PIKFYVE: variants seen among roughly 807,000 people sequenced by gnomAD.
The protein encoded by PIKFYVE is 1-phosphatidylinositol 3-phosphate 5-kinase.
A neutral mutation model predicts 257.9 loss-of-function variants in PIKFYVE; 122 were observed. The ratio of observed to expected loss-of-function variants is 0.47; its 90% CI spans 0.41 to 0.55. PIKFYVE has a LOEUF of 0.55. Among genes scored for constraint, PIKFYVE ranks in the 20% least tolerant of loss-of-function variants. PIKFYVE has a pLI of 0.00. For missense variants in PIKFYVE, 2,160 were observed against 2,536.6 expected (o/e 0.85, Z 3.19); for synonymous variants, 892 against 868.9 (o/e 1.03, Z -0.47).
Position 208,355,465 on chromosome 2 carries a change from A to G in PIKFYVE, c.*160A>G, listed in dbSNP as rs1700111086. On this transcript the variant is annotated 3_prime_UTR_variant, in exon 42 of 42. Transcript: ENST00000264380. ...AGACTGTCCGTAATGGAATGGTAAA[A>G]CTCCATGAATTTGCACTTTGGTTTT... 1.6e-6 allele frequency: 1 copy of G among 620,828 alleles called. No homozygotes were observed. Among genetic ancestry groups the G allele is most frequent in the South Asian group, 2.0e-5 (1 of 50,558 alleles). 38.5% of individuals were successfully genotyped at this position (620,828 alleles called of 1,614,324 possible). A position where few individuals can be genotyped will look rare whatever the true frequency, so the allele number is the denominator to read the frequency against.
At chr2:208,275,715 A>G (rs1375341585) in intron 3 of PIKFYVE, among the ~76,000 whole-genome samples, 1 of 152,174 alleles carries the variant, frequency 6.6e-6, no homozygotes, top group Admixed American at 6.5e-5. Flanking sequence ...CCCAGCCAAA[A>G]CAGCACCTAT....
At chr2:208,337,831 C>T (rs1698310002) in intron 28 of PIKFYVE, among the ~76,000 whole-genome samples, 1 of 152,146 alleles carries the variant, frequency 6.6e-6, no homozygotes, top group South Asian at 2.1e-4. Flanking sequence ...AAGCAATTCT[C>T]CTTCCTCAGC....
At position 208,277,726 on chromosome 2, in the gene PIKFYVE, C is replaced by T. The variant is rs1334820404; in HGVS notation, c.613+18C>T. ...CTATACAGGTAAATGCATTTTATTG[C>T]CAGTTTACAATTTTTAAAGGTCATA... On this transcript the variant is annotated intron_variant, in intron 5 of 41. Transcript: ENST00000264380. The T allele has an allele frequency of 1.2e-6, 2 of 1,611,004 alleles. No individual in the cohort carries two copies. The highest frequency in any genetic ancestry group is 2.2e-5 in the East Asian group (1 of 44,852).
intron 38 of PIKFYVE, among the ~76,000 whole-genome samples, chr2:208,352,152 G>T (rs1699830595): frequency 6.6e-6 from 1 of 152,124 alleles, no homozygotes; most frequent in Non-Finnish European, 1.5e-5. Flanking sequence ...ATGAAATTAG[G>T]TGCACATTCA....
At chr2:208,337,423 T>A (rs1038384230) in intron 28 of PIKFYVE, among the ~76,000 whole-genome samples, 4 of 152,038 alleles carry the variant, frequency 2.6e-5, no homozygotes, top group African/African-American at 9.7e-5. Flanking sequence ...TATAGATAGA[T>A]ATATCTATAT....
Position 208,304,269 on chromosome 2 carries a change from T to C in PIKFYVE, c.1419T>C (p.Asp473=). Residue 473 remains aspartate (D), a synonymous_variant, in exon 11 of 42, where the codon GAT becomes GAC. Transcript: ENST00000264380. ...CCTGGTTTAAAGACATAAAGTTTGA[T>C]GACAGTGACACAGAACAGATAGCTG... ...EPSWFKDIKF[D]DSDTEQIAEE... 3.1e-6 allele frequency: 5 copies of C among 1,614,196 alleles called. No individual in the cohort carries two copies. The highest frequency in any genetic ancestry group is 4.2e-6 in the Non-Finnish European group (5 of 1,180,012).
chr2:208,282,061 C>T (rs1178997596), intron 5 of PIKFYVE, among the ~76,000 whole-genome samples: 2 of 152,164 alleles, frequency 1.3e-5, no homozygotes, highest in South Asian at 2.1e-4. Context: ...GGAACCAGCC[C>T]ATGTCATTAT....
At position 208,357,272 on chromosome 2, in the gene PIKFYVE, T is replaced by C. The variant is rs1559190205; in HGVS notation, c.*1967T>C. ...TAAAATGCCAACACTGTTTTGTCTC[T>C]GTTCATTTTTTCTGTGAGGATACTT... On this transcript the variant is annotated 3_prime_UTR_variant, in exon 42 of 42. Coordinates refer to ENST00000264380, the MANE Select transcript of PIKFYVE (RefSeq NM_015040.4). The C allele has an allele frequency of 1.3e-5, 2 of 152,320 alleles. No individual in the cohort carries two copies. Among genetic ancestry groups the C allele is most frequent in the South Asian group, 4.1e-4 (2 of 4,830 alleles). 9.4% of individuals were successfully genotyped at this position (152,320 alleles called of 1,614,324 possible). A position where few individuals can be genotyped will look rare whatever the true frequency, so the allele number is the denominator to read the frequency against.
At chr2:208,311,055 A>G (rs369556034) in intron 12 of PIKFYVE, among the ~76,000 whole-genome samples, 1 of 152,186 alleles carries the variant, frequency 6.6e-6, no homozygotes, top group Non-Finnish European at 1.5e-5. Flanking sequence ...ATACACATAT[A>G]TGGCAAATCC....
At position 208,355,814 on chromosome 2, in the gene PIKFYVE, G is replaced by A. The variant is rs6728314; in HGVS notation, c.*509G>A. On this transcript the variant is annotated 3_prime_UTR_variant, in exon 42 of 42. Coordinates refer to ENST00000264380, the MANE Select transcript of PIKFYVE (RefSeq NM_015040.4). Reference sequence around the variant, plus strand: ...ATTCTGATTTATTCCATTAATGGCCGGTTAAACACGTGGGCATTTATTGTT... The same window carrying A: ...ATTCTGATTTATTCCATTAATGGCCAGTTAAACACGTGGGCATTTATTGTT... 150,642 of 153,004 alleles carry A rather than the reference G, an allele frequency of 0.98. 74,194 individuals carry two copies. Among genetic ancestry groups the A allele is most frequent in the East Asian group, 1 (5,194 of 5,194 alleles). The allele number at this position is 153,004 out of a possible 1,614,324, so 9.5% of individuals were successfully genotyped here.
In PIKFYVE at chr2:208,355,605, G is replaced by T. The variant is rs144306825; in HGVS notation, c.*300G>T. ...GAGATGAGTAGATAGGGTGAAAAAT[G>T]GGTTAAATTTGCTAGCTTAATTGTT... On this transcript the variant is annotated 3_prime_UTR_variant, in exon 42 of 42. Transcript: ENST00000264380. The T allele has an allele frequency of 1.0e-4, 28 of 271,042 alleles. No individual in the cohort carries two copies. The highest frequency in any genetic ancestry group is 6.0e-4 in the African/African-American group (27 of 44,960). 16.8% of individuals were successfully genotyped at this position (271,042 alleles called of 1,614,324 possible).
chr2:208,353,990 C>T lies in PIKFYVE; in HGVS notation c.5937C>T (p.Leu1979=), dbSNP rs776013691. ...ATGTGGTCCTGCTAGATGAAAATCT[C>T]CTAAAGATGGTTCGAGACAACCCTC... is the stretch of plus-strand genomic sequence containing the variant. The part of the protein sequence containing the change: ...SCDVVLLDEN[L]LKMVRDNPLY... Residue 1979 remains leucine (L), a synonymous_variant, in exon 40 of 42, where the codon CTC becomes CTT. Coordinates refer to ENST00000264380, the MANE Select transcript of PIKFYVE (RefSeq NM_015040.4). The T allele has an allele frequency of 7.4e-6, 12 of 1,613,910 alleles. No individual in the cohort carries two copies. Among genetic ancestry groups the T allele is most frequent in the Admixed American group, 1.7e-5 (1 of 59,984 alleles).
At position 208,339,540 on chromosome 2, in the gene PIKFYVE, G is replaced by A. The variant is rs1281333010; in HGVS notation, c.4795G>A (p.Ala1599Thr). 2 of 1,614,024 alleles carry A rather than the reference G, an allele frequency of 1.2e-6. No individual in the cohort carries two copies. The highest frequency in any genetic ancestry group is 2.7e-5 in the African/African-American group (2 of 74,908). ...SVGGPPELDT[A>T]SSSEDVFDGH... ...GGGAGGGCCCCCTGAGCTAGATACA[G>A]CCAGCAGTTCCGAAGGTAGAGGTTA... Residue 1599 changes from alanine (A) to threonine (T), a missense_variant, in exon 30 of 42, where the codon GCC becomes ACC. Physicochemically the swap from Ala to Thr is moderately conservative, Grantham distance 58 (BLOSUM62 0). Coordinates refer to ENST00000264380, the MANE Select transcript of PIKFYVE (RefSeq NM_015040.4).
intron 6 of PIKFYVE, among the ~76,000 whole-genome samples, chr2:208,287,737 A>T (rs937917540): frequency 6.6e-6 from 1 of 151,268 alleles, no homozygotes; most frequent in Non-Finnish European, 1.5e-5. Flanking sequence ...ATTAGCTGGG[A>T]TTACAGGTGT....
chr2:208,268,910 G>A (rs552828601), intron 1 of PIKFYVE, among the ~76,000 whole-genome samples: 46 of 152,236 alleles, frequency 3.0e-4, no homozygotes, highest in African/African-American at 1.0e-3. Flanking sequence ...AGAGAACGCG[G>A]ATAGGCTAAA....
Position 208,335,331 on chromosome 2 carries a change from G to A in PIKFYVE, c.4168G>A (p.Val1390Ile), listed in dbSNP as rs759363918. 5 of 1,610,926 alleles carry A rather than the reference G, an allele frequency of 3.1e-6. No individual in the cohort carries two copies. In the Admixed American group the frequency reaches 6.7e-5, roughly 21 times the overall value. Reference sequence around the variant, plus strand: ...TTATTCTCCCATTCGGCTTCTTGAAGTATGTGTTCCACTCCCCAAAATATT... The same window carrying A: ...TTATTCTCCCATTCGGCTTCTTGAAATATGTGTTCCACTCCCCAAAATATT... ...FSYSPIRLLE[V>I]CVPLPKIFIK... The change falls in exon 25 of 42, where the codon GTA (valine) becomes ATA (isoleucine). Residue 1390 changes from valine to isoleucine, a missense_variant. Coordinates refer to ENST00000264380, the MANE Select transcript of PIKFYVE (RefSeq NM_015040.4).
At position 208,268,793 on chromosome 2, in the gene PIKFYVE, TC is replaced by T. The variant is rs528759897; in HGVS notation, c.-10+2386del. Among the ~76,000 whole-genome samples the T allele has an allele frequency of 6.9e-3, 1,035 of 150,838 alleles. 5 individuals carry two copies. The highest frequency in any genetic ancestry group is 0.011 in the Non-Finnish European group (738 of 67,702). ...TTCCCCTTCCTCTTCCTCTTTTTCT[TC>T]CCCCCCCAATAAACATGTATTGCCA... On this transcript the variant is annotated intron_variant, in intron 1 of 41. Coordinates refer to ENST00000264380, the MANE Select transcript of PIKFYVE (RefSeq NM_015040.4).
chr2:208,304,344 G>C (rs763867021), intron 11 of PIKFYVE, 26 bp downstream of exon 11: 73 of 1,605,976 alleles, frequency 4.5e-5, no homozygotes, highest in Non-Finnish European at 5.5e-5. Context: ...TAACATTTTA[G>C]TTTTGATGGG....
At chr2:208,279,431 T>G (rs904526173) in intron 5 of PIKFYVE, among the ~76,000 whole-genome samples, 13 of 152,332 alleles carry the variant, frequency 8.5e-5, no homozygotes, top group African/African-American at 2.9e-4. Flanking sequence ...ATTTTTGTTT[T>G]TGTTGCAGTT....
Sources: gnomAD v4.1 joint callset for allele counts (sites outside exome capture counted in the v4.1 genomes callset) on GRCh38, gnomAD v4.1.1 for gene constraint, MANE v1.5 for transcripts, NCBI Gene and HGNC (gene_info 2026-07-23, HGNC 2026-07-21) for gene names.